CYB5R4: variants seen among roughly 807,000 people sequenced by gnomAD.
CYB5R4 encodes the protein N-terminal cytochrome b5 and cytochrome b5 oxidoreductase domain-containing protein.
In CYB5R4, 55 loss-of-function variants were observed where a neutral mutation model predicts 70.2. That is an observed-to-expected ratio of 0.78 (90% CI 0.63 to 0.98). CYB5R4 has a LOEUF of 0.98. CYB5R4 is among the 50% of genes least tolerant of loss of function. The pLI, the probability that CYB5R4 is intolerant of heterozygous loss-of-function variation, is 0.00. For missense variants in CYB5R4, 562 were observed against 612.6 expected (o/e 0.92, Z 0.87); for synonymous variants, 197 against 199.5 (o/e 0.99, Z 0.11).
chr6:83,940,794 A>G (rs557962182), intron 14 of CYB5R4, among the ~76,000 whole-genome samples, 193 bp downstream of exon 14: 14 of 152,276 alleles, frequency 9.2e-5, no homozygotes, highest in African/African-American at 3.4e-4. Context: ...GGCAAGATCT[A>G]GGCAACCTTA....
At position 83,940,157 on chromosome 6, in the gene CYB5R4, C is replaced by A; in HGVS notation, c.1210C>A (p.Pro404Thr). 1 of 1,610,708 alleles carries A rather than the reference C, an allele frequency of 6.2e-7. No individual in the cohort carries two copies. Among genetic ancestry groups the A allele is most frequent in the Non-Finnish European group, 8.5e-7 (1 of 1,177,724 alleles). The stretch of plus-strand genomic sequence containing the variant: ...GTTGGCAGCTGGAACAGGCTTCACA[C>A]CAATGGTTAAAATACTGAATTATGC... ...FLLAAGTGFT[P>T]MVKILNYALT... Residue 404 changes from proline (P) to threonine (T), a missense_variant, in exon 13 of 16, where the codon CCA becomes ACA. Coordinates refer to ENST00000369681, the MANE Select transcript of CYB5R4 (RefSeq NM_016230.4).
chr6:83,937,262 G>A (rs372790183), intron 12 of CYB5R4, among the ~76,000 whole-genome samples: 82 of 151,826 alleles, frequency 5.4e-4, no homozygotes, highest in African/African-American at 1.4e-3. Context: ...GCAACAGAGC[G>A]AGACTCTGTC....
At chr6:83,884,199 TTATC>T (rs1418570310) in intron 2 of CYB5R4, among the ~76,000 whole-genome samples, 8 of 151,960 alleles carry the variant, frequency 5.3e-5, no homozygotes, top group African/African-American at 1.9e-4. Context: ...CTATTGATAA[TTATC>T]TTAATTATAG....
At chr6:83,874,527 T>C (rs183005581) in intron 2 of CYB5R4, among the ~76,000 whole-genome samples, 108 of 151,692 alleles carry the variant, frequency 7.1e-4, no homozygotes, top group African/African-American at 2.5e-3. Context: ...ACCTTTTTTT[T>C]TTTTCCCCCT....
At chr6:83,946,742 T>C (rs542990985) in intron 14 of CYB5R4, among the ~76,000 whole-genome samples, 2 of 152,302 alleles carry the variant, frequency 1.3e-5, no homozygotes, top group African/African-American at 4.8e-5. Flanking sequence ...ACAAAATCAA[T>C]GTGCAAAAGT....
rs1366290679 is a variant in CYB5R4, at chr6:83,902,609, GC to G, written c.331-6399del. ...GCATTGATTCTGCATATTGCTTTGG[GC>G]TGTATGTTCCTTCTGATTGTTACTA... On this transcript the variant is annotated intron_variant, in intron 3 of 15. Coordinates refer to ENST00000369681, the MANE Select transcript of CYB5R4 (RefSeq NM_016230.4). Among the ~76,000 whole-genome samples, 7 of 152,194 alleles carry G rather than the reference GC, an allele frequency of 4.6e-5. No individual in the cohort carries two copies. In the East Asian group the frequency reaches 1.4e-3, roughly 29 times the overall value.
At chr6:83,882,949 G>A (rs2099459697) in intron 2 of CYB5R4, among the ~76,000 whole-genome samples, 1 of 152,138 alleles carries the variant, frequency 6.6e-6, no homozygotes, top group South Asian at 2.1e-4. Context: ...ACTCCAGCCT[G>A]GGTGACAGAG....
chr6:83,905,044 TTTTG>T (rs1283570219), intron 3 of CYB5R4, among the ~76,000 whole-genome samples: 2 of 151,768 alleles, frequency 1.3e-5, no homozygotes, highest in South Asian at 2.1e-4. Flanking sequence ...TGTATGTTTG[TTTTG>T]TTTGTTTGTT....
At chr6:83,877,120 G>A (rs1415801802) in intron 2 of CYB5R4, among the ~76,000 whole-genome samples, 2 of 152,164 alleles carry the variant, frequency 1.3e-5, no homozygotes, top group African/African-American at 2.4e-5. Flanking sequence ...ATGAGCAACC[G>A]CACCCAGCCC....
intron 10 of CYB5R4, 47 bp from the exon 11 acceptor site, chr6:83,934,548 T>G (rs2099468634): frequency 7.1e-7 from 1 of 1,417,458 alleles, no homozygotes; most frequent in East Asian, 2.3e-5. Context: ...TTAGTATTAC[T>G]TCTTATTACT....
At chr6:83,860,737 C>G (rs1299525283) in intron 1 of CYB5R4, among the ~76,000 whole-genome samples, 2 of 152,164 alleles carry the variant, frequency 1.3e-5, no homozygotes, top group African/African-American at 4.8e-5. Flanking sequence ...CCACTTAGAC[C>G]TGGCGTTCTG....
intron 2 of CYB5R4, among the ~76,000 whole-genome samples, chr6:83,881,555 C>T (rs1291958822): frequency 2.0e-5 from 3 of 152,176 alleles, no homozygotes; most frequent in Non-Finnish European, 4.4e-5. Flanking sequence ...ATTCCTGTAC[C>T]TTTTGGGGGT....
intron 2 of CYB5R4, among the ~76,000 whole-genome samples, chr6:83,876,646 G>T (rs2099458602): frequency 1.3e-5 from 2 of 151,492 alleles, no homozygotes; most frequent in African/African-American, 4.9e-5. Context: ...TTATGCTGTT[G>T]TTGTTATTCA....
At chr6:83,872,570 T>G (rs2099457800) in intron 2 of CYB5R4, among the ~76,000 whole-genome samples, 1 of 152,252 alleles carries the variant, frequency 6.6e-6, no homozygotes, top group South Asian at 2.1e-4. Flanking sequence ...CCCCAGGACC[T>G]GCTTTCACAT....
chr6:83,950,080 T>C (rs1336870010), intron 14 of CYB5R4, among the ~76,000 whole-genome samples: 1 of 152,178 alleles, frequency 6.6e-6, no homozygotes. Context: ...TTTCCCTAAT[T>C]ACTGCCCTCA....
chr6:83,879,580 A>G (rs2099459129), intron 2 of CYB5R4, among the ~76,000 whole-genome samples: 1 of 152,094 alleles, frequency 6.6e-6, no homozygotes, highest in East Asian at 1.9e-4. Flanking sequence ...CCCTGGCAGT[A>G]GCTCATTAAC....
In CYB5R4 at chr6:83,924,593, G is replaced by T. The variant is rs1314972311; in HGVS notation, c.814+1G>T. The T allele has an allele frequency of 6.2e-7, 1 of 1,611,632 alleles. No homozygotes were observed. Among genetic ancestry groups the T allele is most frequent in the Non-Finnish European group, 8.5e-7 (1 of 1,178,928 alleles). On this transcript the variant is annotated splice_donor_variant, in intron 10 of 15. Coordinates refer to ENST00000369681, the MANE Select transcript of CYB5R4 (RefSeq NM_016230.4). LOFTEE classifies it high-confidence loss of function. Reference sequence around the variant, plus strand: ...TCACTTATTCCAAGGAAAGATACAGGTATGCTGTGTTCTTTTGTTACGTTA... The same window carrying T: ...TCACTTATTCCAAGGAAAGATACAGTTATGCTGTGTTCTTTTGTTACGTTA...
chr6:83,862,526 G>A (rs1195255448), intron 1 of CYB5R4, among the ~76,000 whole-genome samples: 1 of 152,180 alleles, frequency 6.6e-6, no homozygotes, highest in African/African-American at 2.4e-5. Context: ...CTATAAGCAA[G>A]TACTTGACAG....
intron 2 of CYB5R4, 43 bp from the exon 3 acceptor site, chr6:83,893,479 G>C: frequency 8.7e-7 from 1 of 1,154,022 alleles, no homozygotes; most frequent in African/African-American, 1.6e-5. Flanking sequence ...TACAATTTTT[G>C]AGAAGTTCAT....
Sources: gnomAD v4.1 joint callset for allele counts (sites outside exome capture counted in the v4.1 genomes callset) on GRCh38, gnomAD v4.1.1 for gene constraint, MANE v1.5 for transcripts, NCBI Gene and HGNC (gene_info 2026-07-23, HGNC 2026-07-21) for gene names.